Variants in SMG9 observed in about 807,000 individuals in gnomAD.
SMG9 encodes SMG9 nonsense mediated mRNA decay factor.
In SMG9, 55 loss-of-function variants were observed where a neutral mutation model predicts 64.0. The ratio of observed to expected loss-of-function variants is 0.86; its 90% CI spans 0.69 to 1.08. The LOEUF (loss-of-function observed/expected upper bound fraction) is 1.08. Ranked by LOEUF, SMG9 falls within the 50% of genes least tolerant of loss-of-function variation. The pLI, the probability that SMG9 is intolerant of heterozygous loss-of-function variation, is 0.00. For synonymous variants in SMG9, 244 were observed against 254.8 expected (o/e 0.96, Z 0.41); for missense variants, 554 against 681.3 (o/e 0.81, Z 2.08).
At chr19:43,734,172 C>T (rs1387296333) in intron 10 of SMG9, 2 of 578,738 alleles carry the variant, frequency 3.5e-6, no homozygotes, top group African/African-American at 1.9e-5. Flanking sequence ...GACACAGGCT[C>T]AGGGGTCATG....
rs370235699 is a variant in SMG9, at chr19:43,731,554, C to A, written c.*42G>T. On this transcript the variant is annotated 3_prime_UTR_variant, in exon 14 of 14. Transcript: ENST00000270066. ...ATCTGTGCTCCCTCGCAGTACACTG[C>A]GGACCCAGGAGGTCCCCTGCATGAC... The A allele has an allele frequency of 6.2e-7, 1 of 1,613,296 alleles. No individual in the cohort carries two copies. Among genetic ancestry groups the A allele is most frequent in the South Asian group, 1.1e-5 (1 of 91,030 alleles).
rs1351063046 is a variant in SMG9, at chr19:43,732,910, T to A, written c.1432A>T (p.Met478Leu). Residue 478 changes from methionine to leucine, a missense_variant, in exon 13 of 14, where the codon ATG (methionine) becomes TTG (leucine). By Grantham distance (15) the Met-to-Leu change is conservative. Transcript: ENST00000270066. Reference sequence around the variant, plus strand: ...GACAGCTGTGGCCGGGCCATGGACATCACTTGGCTCCGGAGCTTGCTCACC... The same window carrying A: ...GACAGCTGTGGCCGGGCCATGGACAACACTTGGCTCCGGAGCTTGCTCACC... ...SLVSKLRSQV[M>L]SMARPQLSHT... 1.9e-6 allele frequency: 3 copies of A among 1,613,848 alleles called. No individual in the cohort carries two copies. The highest frequency in any genetic ancestry group is 2.5e-6 in the Non-Finnish European group (3 of 1,179,980).
chr19:43,749,576 GCTCA>G (rs1269150035), intron 2 of SMG9, among the ~76,000 whole-genome samples: 3 of 152,302 alleles, frequency 2.0e-5, no homozygotes, highest in Admixed American at 1.3e-4. Flanking sequence ...TAAGAGCCCA[GCTCA>G]CTGTGAAAAA....
chr19:43,735,496 T>C (rs1968628664), intron 9 of SMG9, among the ~76,000 whole-genome samples: 1 of 151,714 alleles, frequency 6.6e-6, no homozygotes, highest in Non-Finnish European at 1.5e-5. Context: ...CACACACCTG[T>C]AGTCCCAGCT....
intron 7 of SMG9, 73 bp from the exon 8 acceptor site, chr19:43,738,290 A>G (rs1968739684): frequency 1.5e-6 from 2 of 1,321,348 alleles, no homozygotes; most frequent in Non-Finnish European, 2.2e-6. Flanking sequence ...TACATTGTCT[A>G]TCTCAGGACA....
intron 5 of SMG9, among the ~76,000 whole-genome samples, chr19:43,746,709 C>A (rs1969021699): frequency 7.0e-6 from 1 of 142,370 alleles, no homozygotes; most frequent in African/African-American, 2.7e-5. Context: ...GTATGATGAT[C>A]TAGGAATGTG....
Position 43,735,775 on chromosome 19 carries a change from TAC to T in SMG9, c.996-1282_996-1281del, listed in dbSNP as rs1286257245. Among the ~76,000 whole-genome samples, 9 of 151,996 alleles carry T rather than the reference TAC, an allele frequency of 5.9e-5. No individual in the cohort carries two copies. The East Asian group carries it at 1.5e-3, about 26-fold the overall frequency. On this transcript the variant is annotated intron_variant, in intron 9 of 13. Coordinates refer to ENST00000270066, the MANE Select transcript of SMG9 (RefSeq NM_019108.4). Reference sequence around the variant, plus strand: ...CTAAAATACAGGGACATTCTCCTCATACACACACAAACACATCTACAATCTCA... The same window carrying T: ...CTAAAATACAGGGACATTCTCCTCATACACACAAACACATCTACAATCTCA...
At chr19:43,738,582 G>A (rs766517374) in intron 7 of SMG9, among the ~76,000 whole-genome samples, 1 of 151,924 alleles carries the variant, frequency 6.6e-6, no homozygotes, top group Non-Finnish European at 1.5e-5. Flanking sequence ...AAAATAATTA[G>A]TGTGAAAACT....
rs200207027 is a variant in SMG9 at position 43,747,896 on chromosome 19, G to A, written c.227C>T (p.Ser76Leu). 2 of 1,612,932 alleles carry A rather than the reference G, an allele frequency of 1.2e-6. No individual in the cohort carries two copies. Among genetic ancestry groups the A allele is most frequent in the African/African-American group, 2.7e-5 (2 of 74,924 alleles). The part of the protein sequence containing the change: ...IILSKPPAER[S>L]KQPPPPTAPA... ...GGCTGTTGGAGGTGGTGGCTGTTTTGACTACGGAGGTAAAAAAAATCCCAT... is the reference window on the plus strand; with the variant it reads ...GGCTGTTGGAGGTGGTGGCTGTTTTAACTACGGAGGTAAAAAAAATCCCAT... The change falls in exon 4 of 14, where the codon TCA becomes TTA. Residue 76 changes from serine to leucine, a missense_variant and splice_region_variant. Ser to Leu is a moderately radical substitution (Grantham distance 145, BLOSUM62 -2). Coordinates refer to ENST00000270066, the MANE Select transcript of SMG9 (RefSeq NM_019108.4).
At chr19:43,751,626 T>C (rs1969194550) in intron 1 of SMG9, among the ~76,000 whole-genome samples, 1 of 152,254 alleles carries the variant, frequency 6.6e-6, no homozygotes, top group East Asian at 1.9e-4. Context: ...TTTCTGGCTA[T>C]GGTATGACAC....
chr19:43,739,801 C>A, intron 7 of SMG9: 1 of 359,718 alleles, frequency 2.8e-6, no homozygotes, highest in African/African-American at 2.1e-5. Context: ...GAGTTTAAAA[C>A]TGAAAGTCAC....
At chr19:43,750,065 T>C in intron 2 of SMG9, 1 of 486,204 alleles carries the variant, frequency 2.1e-6, no homozygotes, top group East Asian at 5.6e-5. Context: ...CAGTTGTTGT[T>C]ATTATGACAT....
intron 5 of SMG9, 56 bp from the exon 6 acceptor site, chr19:43,744,940 T>G (rs770646429): frequency 3.6e-6 from 5 of 1,377,320 alleles, no homozygotes; most frequent in Non-Finnish European, 3.1e-6. Context: ...GGAGCTGGAA[T>G]GAGGGGGGGA....
rs560459980 is a variant in SMG9 at position 43,733,217 on chromosome 19, TCCCAAACCAGGGCAA to T, written c.1339+92_1339+106del. ...TCAGACCAGGTAGGCTCCACACTGC[TCCCAAACCAGGGCAA>T]CCCATGTCGCCTCCTAGACCAGTGG... On this transcript the variant is annotated intron_variant, in intron 12 of 13. Coordinates refer to ENST00000270066, the MANE Select transcript of SMG9 (RefSeq NM_019108.4). 519 of 1,493,082 alleles carry T rather than the reference TCCCAAACCAGGGCAA, an allele frequency of 3.5e-4. 6 individuals carry two copies. The South Asian group carries it at 6.2e-3, about 18-fold the overall frequency. The allele number at this position is 1,493,082 out of a possible 1,614,324, so 92.5% of individuals were successfully genotyped here.
At chr19:43,752,678 G>A (rs1969224476) in intron 1 of SMG9, among the ~76,000 whole-genome samples, 1 of 152,070 alleles carries the variant, frequency 6.6e-6, no homozygotes, top group African/African-American at 2.4e-5. Flanking sequence ...CAGGAGGACT[G>A]CTTCAGCCCA....
At chr19:43,746,486 TTTG>T (rs1477668494) in intron 5 of SMG9, among the ~76,000 whole-genome samples, 1 of 152,134 alleles carries the variant, frequency 6.6e-6, no homozygotes, top group East Asian at 1.9e-4. Flanking sequence ...TGTTCTGTTT[TTTG>T]TTTTTTTAAA....
chr19:43,745,697 T>G (rs2146394224), intron 5 of SMG9, among the ~76,000 whole-genome samples: 1 of 152,080 alleles, frequency 6.6e-6, no homozygotes. Context: ...TGAAACTCCG[T>G]CTCTACCAAA....
At chr19:43,748,435 T>G (rs1969095959) in intron 2 of SMG9, among the ~76,000 whole-genome samples, 1 of 152,252 alleles carries the variant, frequency 6.6e-6, no homozygotes, top group Admixed American at 6.5e-5. Flanking sequence ...CACCTTCACT[T>G]ATGCCTCATT....
intron 5 of SMG9, 96 bp from the exon 6 acceptor site, chr19:43,744,980 G>C (rs1448394490): frequency 2.5e-6 from 2 of 802,846 alleles, no homozygotes; most frequent in Non-Finnish European, 2.0e-6. Flanking sequence ...TCCCCCACCT[G>C]CCTTATCATA....
Sources: gnomAD v4.1 joint callset for allele counts (sites outside exome capture counted in the v4.1 genomes callset) on GRCh38, gnomAD v4.1.1 for gene constraint, MANE v1.5 for transcripts, NCBI Gene and HGNC (gene_info 2026-07-23, HGNC 2026-07-21) for gene names.